SLC39A11: variants seen among roughly 807,000 people sequenced by gnomAD.
SLC39A11 encodes zinc transporter ZIP11.
A neutral mutation model predicts 36.1 loss-of-function variants in SLC39A11; 33 were observed. The ratio of observed to expected loss-of-function variants is 0.91; its 90% CI spans 0.69 to 1.22. The LOEUF (loss-of-function observed/expected upper bound fraction) is 1.22. Among genes scored for constraint, SLC39A11 ranks in the 50% most tolerant of loss-of-function variants. The pLI, the probability that SLC39A11 is intolerant of heterozygous loss-of-function variation, is 0.00. For synonymous variants in SLC39A11, 166 were observed against 170.3 expected (o/e 0.97, Z 0.20); for missense variants, 432 against 430.3 (o/e 1.00, Z -0.03).
intron 4 of SLC39A11, among the ~76,000 whole-genome samples, chr17:72,961,552 G>C (rs923831040): frequency 6.6e-6 from 1 of 152,044 alleles, no homozygotes; most frequent in Admixed American, 6.6e-5. Flanking sequence ...GGAATACTAT[G>C]CAGCCATAAA....
At chr17:72,945,463 G>C (rs1377728148) in intron 5 of SLC39A11, among the ~76,000 whole-genome samples, 1 of 152,186 alleles carries the variant, frequency 6.6e-6, no homozygotes, top group Non-Finnish European at 1.5e-5. Context: ...GCATATTCAG[G>C]CTCCATCTGC....
intron 5 of SLC39A11, among the ~76,000 whole-genome samples, chr17:72,911,253 C>T (rs66755059): frequency 0.26 from 39,221 of 151,696 alleles, 5,626 homozygotes; most frequent in Non-Finnish European, 0.34. Context: ...ACATCACACA[C>T]CGGGGCCTGT....
intron 4 of SLC39A11, among the ~76,000 whole-genome samples, chr17:72,958,578 C>CA (rs2147886218): frequency 6.6e-6 from 1 of 152,282 alleles, no homozygotes. Flanking sequence ...TGGCCCGGCA[C>CA]AGTGGCTCAC....
chr17:72,841,778 C>T (rs896329427), intron 6 of SLC39A11, among the ~76,000 whole-genome samples: 1 of 152,032 alleles, frequency 6.6e-6, no homozygotes, highest in Non-Finnish European at 1.5e-5. Flanking sequence ...ATATTTCATG[C>T]AGGCCAGGCG....
At chr17:72,698,895 A>G (rs1023215298) in intron 7 of SLC39A11, among the ~76,000 whole-genome samples, 31 of 151,980 alleles carry the variant, frequency 2.0e-4, no homozygotes, top group Non-Finnish European at 4.1e-4. Context: ...CAGTGGCGTG[A>G]TCTCGGCTCA....
intron 4 of SLC39A11, among the ~76,000 whole-genome samples, chr17:72,959,219 A>G (rs1019948399): frequency 9.9e-5 from 15 of 151,436 alleles, no homozygotes; most frequent in African/African-American, 3.6e-4. Context: ...TTGCACATGC[A>G]TGTTTGTAGC....
chr17:72,808,753 C>T (rs553563940), intron 6 of SLC39A11, among the ~76,000 whole-genome samples: 38 of 152,236 alleles, frequency 2.5e-4, no homozygotes, highest in African/African-American at 8.9e-4. Context: ...ACTGACCCCA[C>T]CTGGATCTGT....
At position 72,963,169 on chromosome 17, in the gene SLC39A11, C is replaced by CTTTT. The variant is rs5821936; in HGVS notation, c.307-15298_307-15295dup. ...TGGGGTATAATTCTTTTTTTCCTTT[C>CTTTT]TTTTTTTTTTTTTTTTTTTGAGATG... On this transcript the variant is annotated intron_variant, in intron 4 of 9. Transcript: ENST00000255559. Among the ~76,000 whole-genome samples, 340 of 114,508 alleles carry CTTTT rather than the reference C, an allele frequency of 3.0e-3. 13 individuals carry two copies. The highest frequency in any genetic ancestry group is 0.01 in the African/African-American group (298 of 28,844). 75.1% of individuals were successfully genotyped at this position (114,508 alleles called of 152,430 possible). A position where few individuals can be genotyped will look rare whatever the true frequency, so the allele number is the denominator to read the frequency against.
intron 6 of SLC39A11, among the ~76,000 whole-genome samples, chr17:72,809,407 C>G (rs1162187074): frequency 6.6e-6 from 1 of 152,156 alleles, no homozygotes; most frequent in African/African-American, 2.4e-5. Context: ...AACCAACCAT[C>G]CTGTTTGCGA....
chr17:73,071,589 C>A (rs951957310), intron 3 of SLC39A11, among the ~76,000 whole-genome samples: 6 of 152,212 alleles, frequency 3.9e-5, no homozygotes, highest in Admixed American at 1.3e-4. Flanking sequence ...CTTGCTCAAG[C>A]AGTCCACTGT....
chr17:72,715,663 T>C (rs901613026), intron 7 of SLC39A11, among the ~76,000 whole-genome samples: 6 of 152,040 alleles, frequency 3.9e-5, no homozygotes, highest in Non-Finnish European at 7.4e-5. Context: ...GGGGAGTTAG[T>C]GCCTAATGAT....
At chr17:72,676,625 C>A (rs2071273725) in intron 7 of SLC39A11, among the ~76,000 whole-genome samples, 1 of 152,076 alleles carries the variant, frequency 6.6e-6, no homozygotes, top group African/African-American at 2.4e-5. Context: ...TTAGGCAGTT[C>A]CTGGGAACTT....
At position 72,849,679 on chromosome 17, in the gene SLC39A11, T is replaced by A. The variant is rs2079209511; in HGVS notation, c.556A>T (p.Arg186Trp). 6.2e-7 allele frequency: 1 copy of A among 1,607,398 alleles called. No individual in the cohort carries two copies. The highest frequency in any genetic ancestry group is 1.3e-5 in the African/African-American group (1 of 74,452). Residue 186 changes from arginine to tryptophan, a missense_variant, in exon 6 of 10, where the codon AGG becomes TGG. Transcript: ENST00000255559. ...ATGGCCAAGATGAGCAGTGCGATCC[T>A]CCTCCAGCTGCTGCCGCCGGGCTGT... ...LAQPGGSSWR[R>W]IALLILAITI... is the part of the protein sequence containing the mutation.
Position 72,849,613 on chromosome 17 carries a change from C to T in SLC39A11, c.601+21G>A, listed in dbSNP as rs141064511. ...CTTTACCTTCAGGCAGTGGCTGTCA[C>T]GCTCACGGGCAAGACCTCACCTGGA... On this transcript the variant is annotated intron_variant, in intron 6 of 9. Transcript: ENST00000255559. 1,109 of 1,463,010 alleles carry T rather than the reference C, an allele frequency of 7.6e-4. 2 individuals carry two copies. Among genetic ancestry groups the T allele is most frequent in the Non-Finnish European group, 8.4e-4 (928 of 1,102,018 alleles). 90.6% of individuals were successfully genotyped at this position (1,463,010 alleles called of 1,614,324 possible). A position where few individuals can be genotyped will look rare whatever the true frequency, so the allele number is the denominator to read the frequency against.
At chr17:72,754,041 TATATAC>T (rs1317896670) in intron 6 of SLC39A11, among the ~76,000 whole-genome samples, 1 of 54,546 alleles carries the variant, frequency 1.8e-5, no homozygotes, top group Non-Finnish European at 4.3e-5. Flanking sequence ...TATATATATA[TATATAC>T]ACATACACAC....
chr17:73,018,485 T>C (rs967367580), intron 4 of SLC39A11, among the ~76,000 whole-genome samples: 5 of 151,746 alleles, frequency 3.3e-5, no homozygotes, highest in Admixed American at 6.6e-5. Context: ...GCAGCAGAGG[T>C]TGAAGTGAGC....
chr17:72,874,648 G>T (rs918153587), intron 5 of SLC39A11, among the ~76,000 whole-genome samples: 3 of 152,124 alleles, frequency 2.0e-5, no homozygotes, highest in African/African-American at 7.2e-5. Context: ...TCAAAACCTT[G>T]CTTCCAAAGA....
At chr17:72,936,804 T>C (rs2084799664) in intron 5 of SLC39A11, among the ~76,000 whole-genome samples, 2 of 152,166 alleles carry the variant, frequency 1.3e-5, no homozygotes, top group Non-Finnish European at 2.9e-5. Context: ...CATCAGACAT[T>C]AGATTCTCAT....
intron 4 of SLC39A11, among the ~76,000 whole-genome samples, chr17:73,008,010 G>A (rs2090279096): frequency 2.0e-5 from 3 of 152,090 alleles, no homozygotes; most frequent in African/African-American, 4.8e-5. Context: ...GGCTGAGACA[G>A]GAGAATCACT....
Sources: gnomAD v4.1 joint callset for allele counts (sites outside exome capture counted in the v4.1 genomes callset) on GRCh38, gnomAD v4.1.1 for gene constraint, MANE v1.5 for transcripts, NCBI Gene and HGNC (gene_info 2026-07-23, HGNC 2026-07-21) for gene names.